The following CTNNA3 variants were observed in gnomAD, a reference collection of about 807,000 sequenced individuals.
CTNNA3 encodes catenin alpha 3.
A neutral mutation model predicts 95.7 loss-of-function variants in CTNNA3; 76 were observed. That is an observed-to-expected ratio of 0.79 (90% CI 0.66 to 0.96). CTNNA3 has a LOEUF of 0.96. Among genes scored for constraint, CTNNA3 ranks in the 40% least tolerant of loss-of-function variants. The pLI is 0.00. For missense variants in CTNNA3, 1,191 were observed against 1,089.8 expected, an observed-to-expected ratio of 1.09 and a Z score of -1.31; for synonymous variants, 431 against 374.4, an observed-to-expected ratio of 1.15 and a Z score of -1.74.
chr10:67,333,814 T>C (rs778644973), intron 5 of CTNNA3, among the ~76,000 whole-genome samples: 6 of 152,134 alleles, frequency 3.9e-5, no homozygotes, highest in Admixed American at 2.0e-4. Context: ...AGATTATACA[T>C]GGCACTTACT....
chr10:67,562,672 T>A (rs1841565883), intron 3 of CTNNA3, among the ~76,000 whole-genome samples: 1 of 152,150 alleles, frequency 6.6e-6, no homozygotes, highest in African/African-American at 2.4e-5. Flanking sequence ...TAAAGGGTAT[T>A]CAATTAGGAA....
At chr10:66,359,038 C>T (rs2092633605) in intron 12 of CTNNA3, among the ~76,000 whole-genome samples, 1 of 152,166 alleles carries the variant, frequency 6.6e-6, no homozygotes, top group African/African-American at 2.4e-5. Context: ...ATCATGCTCT[C>T]CTTCTCAGCA....
intron 12 of CTNNA3, among the ~76,000 whole-genome samples, chr10:66,283,819 G>T (rs1045652361): frequency 6.6e-6 from 1 of 151,716 alleles, no homozygotes; most frequent in African/African-American, 2.4e-5. Flanking sequence ...ATCAAACTAG[G>T]AGTAAATTTT....
chr10:66,439,063 C>T (rs2093358361), intron 11 of CTNNA3, among the ~76,000 whole-genome samples: 1 of 152,078 alleles, frequency 6.6e-6, no homozygotes, highest in African/African-American at 2.4e-5. Context: ...TCAGGTACCT[C>T]AGTTGGAAAT....
chr10:67,243,462 A>C (rs1865794617), intron 5 of CTNNA3, among the ~76,000 whole-genome samples: 1 of 152,170 alleles, frequency 6.6e-6, no homozygotes, highest in Non-Finnish European at 1.5e-5. Flanking sequence ...GAACTTTTTG[A>C]CCAATCTTTT....
intron 12 of CTNNA3, among the ~76,000 whole-genome samples, chr10:66,331,886 C>G (rs1321159285): frequency 6.6e-6 from 1 of 151,964 alleles, no homozygotes; most frequent in East Asian, 1.9e-4. Flanking sequence ...TATAAATTAC[C>G]TTGGGCAGCA....
intron 8 of CTNNA3, among the ~76,000 whole-genome samples, chr10:66,770,294 G>T (rs946638930): frequency 5.3e-5 from 8 of 152,172 alleles, no homozygotes; most frequent in African/African-American, 1.9e-4. Flanking sequence ...CAGCAAAGTA[G>T]CCTCTATCTT....
rs1320111897 is a variant in CTNNA3 at position 65,913,970 on chromosome 10, A to G, written c.*6360T>C. ...AGGCTTTTGAACTATTGATACAACTATTCAAAGGGGGCTTTAAATGTATAA... is the reference window on the plus strand; with the variant it reads ...AGGCTTTTGAACTATTGATACAACTGTTCAAAGGGGGCTTTAAATGTATAA... On this transcript the variant is annotated 3_prime_UTR_variant, in exon 18 of 18. Coordinates refer to ENST00000433211, the MANE Select transcript of CTNNA3 (RefSeq NM_013266.4). 1 of 152,158 alleles carries G rather than the reference A, an allele frequency of 6.6e-6. No individual in the cohort carries two copies. Among genetic ancestry groups the G allele is most frequent in the Non-Finnish European group, 1.5e-5 (1 of 68,002 alleles). The allele number at this position is 152,158 out of a possible 1,614,324, so 9.4% of individuals were successfully genotyped here.
At chr10:66,855,314 C>T (rs555935733) in intron 7 of CTNNA3, among the ~76,000 whole-genome samples, 1 of 152,070 alleles carries the variant, frequency 6.6e-6, no homozygotes, top group South Asian at 2.1e-4. Flanking sequence ...TCCGTGGAGC[C>T]TGGGCATAGT....
chr10:66,551,037 A>AT (rs1564527676), intron 10 of CTNNA3, among the ~76,000 whole-genome samples: 1 of 22,130 alleles, frequency 4.5e-5, no homozygotes, highest in Non-Finnish European at 1.4e-4. Context: ...AAAGAGAAAA[A>AT]TAACTGTTTT....
chr10:66,499,751 T>C (rs942217118), intron 11 of CTNNA3, among the ~76,000 whole-genome samples: 11 of 151,956 alleles, frequency 7.2e-5, no homozygotes, highest in Admixed American at 2.0e-4. Context: ...AAAATATCTA[T>C]GGAACTCCTA....
chr10:66,976,284 C>T (rs540396780), intron 7 of CTNNA3, among the ~76,000 whole-genome samples: 6 of 152,238 alleles, frequency 3.9e-5, no homozygotes, highest in East Asian at 1.9e-4. Flanking sequence ...GAATCAGGGA[C>T]GATACCCCTG....
chr10:66,286,116 A>G (rs181250996), intron 12 of CTNNA3, among the ~76,000 whole-genome samples: 32 of 152,162 alleles, frequency 2.1e-4, no homozygotes, highest in South Asian at 1.4e-3. Context: ...GGGAATATAC[A>G]TATCAGTAGA....
intron 14 of CTNNA3, among the ~76,000 whole-genome samples, chr10:66,078,435 A>G (rs2080619856): frequency 6.6e-6 from 1 of 151,890 alleles, no homozygotes; most frequent in Admixed American, 6.6e-5. Context: ...CTTTCATAAA[A>G]TGACTTCCAG....
intron 7 of CTNNA3, among the ~76,000 whole-genome samples, chr10:66,876,768 A>C (rs1254536492): frequency 1.3e-5 from 2 of 152,082 alleles, no homozygotes; most frequent in Non-Finnish European, 2.9e-5. Context: ...AAGCAGGAGC[A>C]AGGGAACAGA....
intron 10 of CTNNA3, among the ~76,000 whole-genome samples, chr10:66,556,001 A>C (rs1719196533): frequency 6.6e-6 from 1 of 152,076 alleles, no homozygotes; most frequent in South Asian, 2.1e-4. Context: ...TATACAAGGA[A>C]TTCACGTAAC....
In CTNNA3 at chr10:67,029,045, C is replaced by T. The variant is rs1271741962; in HGVS notation, c.1047+151272G>A. ...TTCCATTAATAACATCAGACTAGCC[C>T]AGGAGTATATGTGGATGTAAGAGCA... On this transcript the variant is annotated intron_variant, in intron 7 of 17. Coordinates refer to ENST00000433211, the MANE Select transcript of CTNNA3 (RefSeq NM_013266.4). Among the ~76,000 whole-genome samples, 6 of 152,094 alleles carry T rather than the reference C, an allele frequency of 3.9e-5. No homozygotes were observed. In the East Asian group the frequency reaches 9.7e-4, roughly 24 times the overall value.
At chr10:67,420,198 A>G (rs1845699158) in intron 5 of CTNNA3, among the ~76,000 whole-genome samples, 2 of 152,234 alleles carry the variant, frequency 1.3e-5, no homozygotes, top group South Asian at 4.1e-4. Flanking sequence ...ATTTAAATCT[A>G]TCTGTGTAGT....
chr10:66,605,983 A>G (rs887597265), intron 10 of CTNNA3, among the ~76,000 whole-genome samples: 3 of 152,176 alleles, frequency 2.0e-5, no homozygotes. Context: ...AATGGGCTAA[A>G]TGCCCCAATT....
Sources: allele counts gnomAD v4.1 joint callset (sites outside exome capture counted in the v4.1 genomes callset), GRCh38; gene constraint gnomAD v4.1.1; transcripts MANE v1.5; gene names NCBI Gene and HGNC (gene_info 2026-07-23, HGNC 2026-07-21).